LYPD8: variants seen among roughly 807,000 people sequenced by gnomAD.
LYPD8 encodes LY6/PLAUR domain containing 8.
Under a neutral mutation model 1.7 loss-of-function variants are expected in LYPD8, and 8 were observed. The observed-to-expected ratio is 4.58, with a 90% CI of 2.69 to 8.27. The LOEUF is 8.27. Ranked by LOEUF, LYPD8 falls within the 30% of genes most tolerant of loss-of-function variation. The probability of loss-of-function intolerance (pLI) is 0.00; values close to 1 mark genes in which losing one functional copy is unlikely to be tolerated. For missense variants in LYPD8, 112 were observed against 102.3 expected, an observed-to-expected ratio of 1.09 and a Z score of -0.41; for synonymous variants, 50 against 43.6, an observed-to-expected ratio of 1.15 and a Z score of -0.58.
At position 248,748,311 on chromosome 1, in the gene LYPD8, G is replaced by A. The variant is rs2103170414; in HGVS notation, c.315C>T (p.Cys105=). The A allele has an allele frequency of 1.3e-5, 6 of 471,874 alleles. No individual in the cohort carries two copies. The highest frequency in any genetic ancestry group is 2.2e-5 in the Non-Finnish European group (6 of 270,366). The allele number at this position is 471,874 out of a possible 1,614,324, so 29.2% of individuals were successfully genotyped here. A position where few individuals can be genotyped will look rare whatever the true frequency, so the allele number is the denominator to read the frequency against. The change falls in exon 5 of 7, where the codon TGC becomes TGT. Residue 105 remains cysteine, a synonymous_variant. Coordinates refer to ENST00000590317, the MANE Select transcript of LYPD8 (RefSeq NM_001085474.2). ...FVSQCCQGKE[C]SNTSDALDPP... is the part of the protein sequence containing the mutation. ...CACCCAGGGCATCGCTGGTGTTGCT[G>A]CATTCCTTTCCTTGGCAGCACTGGC...
intron 6 of LYPD8, among the ~76,000 whole-genome samples, chr1:248,744,770 A>C (rs1314372707): frequency 6.6e-6 from 1 of 152,202 alleles, no homozygotes. Context: ...TGACAACTAG[A>C]GAATAAAAGT....
chr1:248,750,428 C>T (rs1364813590), intron 4 of LYPD8, 96 bp downstream of exon 4: 1 of 397,276 alleles, frequency 2.5e-6, no homozygotes, highest in Admixed American at 4.4e-5. Flanking sequence ...GACAGCACGA[C>T]CCCTTCTCTG....
At chr1:248,750,449 C>T (rs980112397) in intron 4 of LYPD8, 75 bp downstream of exon 4, 29,885 of 397,836 alleles carry the variant, frequency 0.075, 1,722 homozygotes, top group South Asian at 0.25. Flanking sequence ...CCTTTCTTTC[C>T]TGCCTGGATG....
intron 2 of LYPD8, 147 bp from the exon 3 acceptor site, chr1:248,751,277 G>A (rs1056032974): frequency 8.9e-5 from 35 of 394,316 alleles, no homozygotes; most frequent in African/African-American, 6.8e-4. Context: ...GCACAAAGCT[G>A]ATTCCACCCT....
chr1:248,753,651 A>ACCACACAGCCCACACAACACACACACAC (rs1662873667), intron 2 of LYPD8, among the ~76,000 whole-genome samples: 1 of 118,190 alleles, frequency 8.5e-6, no homozygotes, highest in Non-Finnish European at 1.8e-5. Context: ...CATATACATC[A>ACCACACAGCCCACACAACACACACACAC]CACACCACAC....
In LYPD8 at chr1:248,741,652, A is replaced by G. The variant is rs535335912; in HGVS notation, c.476-1803T>C. 6.6e-5 allele frequency among the ~76,000 whole-genome samples: 10 copies of G among 152,384 alleles called. No homozygotes were observed. The East Asian group carries it at 1.7e-3, about 26-fold the overall frequency. On this transcript the variant is annotated intron_variant, in intron 6 of 6. Transcript: ENST00000590317. ...TCTGTCTGGCTTTCAGCTTAAGTCA[A>G]GTCCTATGAGAAAGAGGAAAATCGA...
intron 2 of LYPD8, among the ~76,000 whole-genome samples, chr1:248,752,754 ACACACAC>A (rs1662827108): frequency 9.4e-6 from 1 of 106,822 alleles, no homozygotes; most frequent in Non-Finnish European, 2.0e-5. Context: ...CACACACCCC[ACACACAC>A]CACACACCCC....
intron 2 of LYPD8, among the ~76,000 whole-genome samples, chr1:248,753,319 A>C (rs1178696779): frequency 8.4e-6 from 1 of 119,472 alleles, no homozygotes; most frequent in Non-Finnish European, 1.8e-5. Flanking sequence ...CCCACACAAC[A>C]CACAACACAT....
In LYPD8 at chr1:248,751,043, A is replaced by G. The variant is rs1328734037; in HGVS notation, c.39T>C (p.Leu13=). The G allele has an allele frequency of 1.3e-5, 5 of 398,594 alleles. No homozygotes were observed. Among genetic ancestry groups the G allele is most frequent in the African/African-American group, 2.1e-5 (1 of 48,746 alleles). The allele number at this position is 398,594 out of a possible 1,614,324, so 24.7% of individuals were successfully genotyped here. A position where few individuals can be genotyped will look rare whatever the true frequency, so the allele number is the denominator to read the frequency against. The change falls in exon 3 of 7, where the codon CTT becomes CTC. Residue 13 remains leucine (L), a synonymous_variant. Transcript: ENST00000590317. ...GILVAGITAV[L]VAAVESLSCV... is the part of the protein sequence containing the mutation. ...GAGTTCTCTTACCTACAGCTGCAAC[A>G]AGCACTGCAGTGATACCAGCAACGA... is the stretch of plus-strand genomic sequence containing the variant.
intron 2 of LYPD8, among the ~76,000 whole-genome samples, chr1:248,752,065 T>A (rs1662809588): frequency 6.6e-6 from 1 of 152,108 alleles, no homozygotes; most frequent in Non-Finnish European, 1.5e-5. Flanking sequence ...AATCATTATC[T>A]CATTTACCCT....
intron 4 of LYPD8, among the ~76,000 whole-genome samples, chr1:248,750,152 G>A (rs951060483): frequency 5.9e-5 from 9 of 152,206 alleles, no homozygotes; most frequent in African/African-American, 2.2e-4. Context: ...GAAGGAAAGT[G>A]TGTTTGATCC....
At chr1:248,752,536 A>C (rs1662816184) in intron 2 of LYPD8, among the ~76,000 whole-genome samples, 2 of 148,014 alleles carry the variant, frequency 1.4e-5, no homozygotes, top group Admixed American at 6.7e-5. Flanking sequence ...CACACACACC[A>C]CACCACACAA....
At chr1:248,750,150 G>A (rs1662774168) in intron 4 of LYPD8, among the ~76,000 whole-genome samples, 2 of 152,188 alleles carry the variant, frequency 1.3e-5, no homozygotes, top group African/African-American at 4.8e-5. Context: ...ATGAAGGAAA[G>A]TGTGTTTGAT....
At position 248,739,598 on chromosome 1, in the gene LYPD8, C is replaced by A. The variant is rs1553283017; in HGVS notation, c.*13G>T. The A allele has an allele frequency of 6.4e-7, 1 of 1,550,710 alleles. No individual in the cohort carries two copies. Among genetic ancestry groups the A allele is most frequent in the Non-Finnish European group, 8.7e-7 (1 of 1,146,972 alleles). On this transcript the variant is annotated 3_prime_UTR_variant, in exon 7 of 7. Transcript: ENST00000590317. This position sits in a 1 kb window ranked among gnomAD's most constrained non-coding sequence, Gnocchi z 4.3. The stretch of plus-strand genomic sequence containing the variant: ...CAGAAATGGGGTGCTGGGCAAAGTG[C>A]AGCCCCAGGACCTCAGGGCAGCAGT...
At chr1:248,748,513 G>A (rs1662748719) in intron 4 of LYPD8, 60 bp from the exon 5 acceptor site, 1 of 399,480 alleles carries the variant, frequency 2.5e-6, no homozygotes, top group Non-Finnish European at 4.4e-6. Context: ...GGGGAGGGTG[G>A]AGACCCAGAA....
Position 248,739,808 on chromosome 1 carries a change from C to T in LYPD8, c.517G>A (p.Val173Ile), listed in dbSNP as rs782181211. The T allele has an allele frequency of 7.1e-6, 11 of 1,551,720 alleles. 1 individual carries two copies. The highest frequency in any genetic ancestry group is 3.3e-4 in the Middle Eastern group (2 of 5,992). The change falls in exon 7 of 7, where the codon GTC becomes ATC. Residue 173 changes from valine to isoleucine, a missense_variant. By Grantham distance (29) the Val-to-Ile change is conservative (BLOSUM62 3). Transcript: ENST00000590317. This position sits in a 1 kb window ranked among gnomAD's most constrained non-coding sequence, Gnocchi z 4.3. ...AGGAACTGACAGGTGGCGTTACTGACGTTGGAACAGCCTTTCAGCACGAGA... is the reference window on the plus strand; with the variant it reads ...AGGAACTGACAGGTGGCGTTACTGATGTTGGAACAGCCTTTCAGCACGAGA... ...KSLVLKGCSN[V>I]SNATCQFLSG...
chr1:248,741,729 T>G (rs973875221), intron 6 of LYPD8, among the ~76,000 whole-genome samples: 4 of 152,366 alleles, frequency 2.6e-5, no homozygotes, highest in Non-Finnish European at 5.9e-5. Flanking sequence ...AAAATCTTTC[T>G]GATGTCATGT....
intron 2 of LYPD8, among the ~76,000 whole-genome samples, chr1:248,752,771 CACACAACACACACCACACACACACCACA>C (rs1662828505): frequency 1.7e-5 from 2 of 115,294 alleles, no homozygotes; most frequent in African/African-American, 3.5e-5. Flanking sequence ...CCACACACCC[CACACAACACACACCACACACACACCACA>C]CCCCACAACA....
In LYPD8 at chr1:248,739,962, G is replaced by A. The variant is rs1340018667; in HGVS notation, c.476-113C>T. On this transcript the variant is annotated intron_variant, in intron 6 of 6. Transcript: ENST00000590317. The surrounding 1 kb of genome is among the most constrained non-coding windows in gnomAD (Gnocchi z 4.3). Reference sequence around the variant, plus strand: ...GTGGCCCGGTGACCAGCAAGAGCTGGTGTGCTCCTGAAGCCCAGGCAGGAA... The same window carrying A: ...GTGGCCCGGTGACCAGCAAGAGCTGATGTGCTCCTGAAGCCCAGGCAGGAA... The A allele has an allele frequency of 1.9e-5, 26 of 1,392,676 alleles. No individual in the cohort carries two copies. In the South Asian group the frequency reaches 3.0e-4, roughly 16 times the overall value. The allele number at this position is 1,392,676 out of a possible 1,614,324, so 86.3% of individuals were successfully genotyped here.
Sources: allele counts gnomAD v4.1 joint callset (sites outside exome capture counted in the v4.1 genomes callset), GRCh38; gene constraint gnomAD v4.1.1; non-coding constraint Gnocchi (gnomAD v3.1); transcripts MANE v1.5; gene names NCBI Gene and HGNC (gene_info 2026-07-23, HGNC 2026-07-21).